The following NAALADL2 variants were observed in gnomAD, a reference collection of about 807,000 sequenced individuals.
The protein encoded by NAALADL2 is inactive N-acetylated-alpha-linked acidic dipeptidase-like protein 2.
In NAALADL2, 76 loss-of-function variants were observed where a neutral mutation model predicts 87.2. That is an observed-to-expected ratio of 0.87 (90% CI 0.72 to 1.05). The LOEUF is 1.05. Ranked by LOEUF, NAALADL2 falls within the 50% of genes least tolerant of loss-of-function variation. NAALADL2 has a pLI of 0.00. For missense variants in NAALADL2, 1,089 were observed against 945.8 expected (o/e 1.15, Z -1.99); for synonymous variants, 354 against 331.0 (o/e 1.07, Z -0.75).
rs16824379 is a variant in NAALADL2, at chr3:175,162,785, A to G, written c.545+65494A>G. On this transcript the variant is annotated intron_variant, in intron 2 of 13. Transcript: ENST00000454872. Reference sequence around the variant, plus strand: ...AATTTGTTTGTTCATATTAATTTGTATGTTTGATCCTTTGTTGTCTTTTCT... The same window carrying G: ...AATTTGTTTGTTCATATTAATTTGTGTGTTTGATCCTTTGTTGTCTTTTCT... Among the ~76,000 whole-genome samples, 206 of 152,246 alleles carry G rather than the reference A, an allele frequency of 1.4e-3. 2 individuals are homozygous for G. In the East Asian group the frequency reaches 0.033, roughly 24 times the overall value.
intron 8 of NAALADL2, among the ~76,000 whole-genome samples, chr3:175,470,387 G>A (rs1253609468): frequency 6.6e-6 from 1 of 151,944 alleles, no homozygotes; most frequent in Non-Finnish European, 1.5e-5. Context: ...CATATTTGGG[G>A]TGATGAATAT....
At chr3:175,015,614 G>A (rs1750709424) in intron 1 of NAALADL2, among the ~76,000 whole-genome samples, 1 of 152,168 alleles carries the variant, frequency 6.6e-6, no homozygotes, top group East Asian at 1.9e-4. Flanking sequence ...TAAATATGAT[G>A]TGTTTCAGAA....
intron 1 of NAALADL2, among the ~76,000 whole-genome samples, chr3:174,963,939 T>C (rs1006016744): frequency 6.6e-6 from 1 of 152,114 alleles, no homozygotes; most frequent in African/African-American, 2.4e-5. Flanking sequence ...ATGTAAATAA[T>C]GTTGAAGGTC....
At chr3:175,024,869 T>C (rs898516728) in intron 1 of NAALADL2, among the ~76,000 whole-genome samples, 10 of 152,044 alleles carry the variant, frequency 6.6e-5, no homozygotes, top group Non-Finnish European at 1.5e-4. Context: ...TTCTAAGTGA[T>C]ACATAACAAT....
rs1331303431 is a variant in NAALADL2, at chr3:174,667,549, T to TTG, written c.-114-70091_-114-70090insGT. 3.3e-3 allele frequency among the ~76,000 whole-genome samples: 381 copies of TTG among 116,580 alleles called. 4 individuals carry two copies. Among genetic ancestry groups the TTG allele is most frequent in the African/African-American group, 0.011 (364 of 34,122 alleles). 76.5% of individuals were successfully genotyped at this position (116,580 alleles called of 152,430 possible). ...AAACTCTCCAGATGGGAGAGAGTTT[T>TTG]TTTTTTTTTTTTTATAGCAAGACTT... is the stretch of plus-strand genomic sequence containing the variant. On this transcript the variant is annotated intron_variant, in intron 2 of 3. Transcript: ENST00000434257.
chr3:174,584,707 T>A (rs1004533990), intron 2 of NAALADL2, among the ~76,000 whole-genome samples: 1 of 152,160 alleles, frequency 6.6e-6, no homozygotes, highest in Admixed American at 6.5e-5. Context: ...AAGTATTTAA[T>A]CCGGTTTGCT....
intron 2 of NAALADL2, among the ~76,000 whole-genome samples, chr3:174,578,549 A>G (rs1382608353): frequency 6.6e-6 from 1 of 152,002 alleles, no homozygotes; most frequent in East Asian, 1.9e-4. Context: ...GCTGAAAGCA[A>G]GATATGTTTA....
At chr3:174,638,734 T>A (rs1218938855) in intron 2 of NAALADL2, among the ~76,000 whole-genome samples, 1 of 152,202 alleles carries the variant, frequency 6.6e-6, no homozygotes, top group Admixed American at 6.5e-5. Flanking sequence ...TTCAGAAAAA[T>A]TGGTGAAGGA....
chr3:175,531,880 G>A (rs1053772066), intron 9 of NAALADL2, among the ~76,000 whole-genome samples: 5 of 152,208 alleles, frequency 3.3e-5, no homozygotes, highest in African/African-American at 4.8e-5. Context: ...TGGGGCTGTG[G>A]TGGGAATCAC....
At chr3:175,385,115 A>G (rs1006094173) in intron 5 of NAALADL2, among the ~76,000 whole-genome samples, 2 of 152,132 alleles carry the variant, frequency 1.3e-5, no homozygotes, top group Non-Finnish European at 1.5e-5. Flanking sequence ...TTCAAGCTTC[A>G]GGCACTTATT....
At chr3:174,588,463 G>T (rs180743007) in intron 2 of NAALADL2, among the ~76,000 whole-genome samples, 1 of 152,266 alleles carries the variant, frequency 6.6e-6, no homozygotes, top group African/African-American at 2.4e-5. Context: ...CTGATTTTTA[G>T]AATTTTCAGC....
intron 11 of NAALADL2, among the ~76,000 whole-genome samples, chr3:175,653,935 A>G (rs930508608): frequency 6.6e-6 from 1 of 152,222 alleles, no homozygotes; most frequent in Non-Finnish European, 1.5e-5. Flanking sequence ...TACAATATCA[A>G]AAGAACTTTA....
chr3:175,302,261 T>G (rs985468507), intron 4 of NAALADL2, among the ~76,000 whole-genome samples: 1 of 152,166 alleles, frequency 6.6e-6, no homozygotes, highest in African/African-American at 2.4e-5. Flanking sequence ...ATTAATGAAT[T>G]TTTAGGGTGA....
intron 2 of NAALADL2, among the ~76,000 whole-genome samples, chr3:174,555,922 C>T (rs1712737963): frequency 6.6e-6 from 1 of 151,784 alleles, no homozygotes; most frequent in African/African-American, 2.4e-5. Context: ...TTTCCACCAC[C>T]CCATCGATGT....
intron 2 of NAALADL2, among the ~76,000 whole-genome samples, chr3:174,605,084 G>A (rs762741459): frequency 2.3e-4 from 35 of 152,070 alleles, no homozygotes; most frequent in Admixed American, 9.8e-4. Flanking sequence ...AGTTTACCAC[G>A]TAGCTTGCAA....
chr3:175,189,283 T>A (rs1268900450), intron 2 of NAALADL2, among the ~76,000 whole-genome samples: 3 of 152,176 alleles, frequency 2.0e-5, no homozygotes, highest in African/African-American at 7.2e-5. Flanking sequence ...GAAAGAAATA[T>A]GTAAAATTAT....
chr3:175,260,507 A>G (rs1263761150), intron 4 of NAALADL2, among the ~76,000 whole-genome samples: 1 of 152,218 alleles, frequency 6.6e-6, no homozygotes, highest in Non-Finnish European at 1.5e-5. Context: ...ATGCAGCATG[A>G]TTACGGCCCA....
At chr3:174,828,514 T>A (rs996670636) in intron 3 of NAALADL2, among the ~76,000 whole-genome samples, 3 of 152,196 alleles carry the variant, frequency 2.0e-5, no homozygotes, top group African/African-American at 7.2e-5. Context: ...GAAACTAAAG[T>A]TGCTGTATCA....
At chr3:175,222,804 C>A (rs1743575647) in intron 2 of NAALADL2, among the ~76,000 whole-genome samples, 2 of 151,746 alleles carry the variant, frequency 1.3e-5, no homozygotes, top group Non-Finnish European at 2.9e-5. Context: ...GTTAAGAATA[C>A]AACATTTTAT....
Sources: gnomAD v4.1 joint callset for allele counts (sites outside exome capture counted in the v4.1 genomes callset) on GRCh38, gnomAD v4.1.1 for gene constraint, MANE v1.5 for transcripts, NCBI Gene and HGNC (gene_info 2026-07-23, HGNC 2026-07-21) for gene names.